GRIK2: variants seen among roughly 807,000 people sequenced by gnomAD.
GRIK2 encodes glutamate ionotropic receptor kainate type subunit 2, also known as glutamate receptor ionotropic, kainate 2.
In GRIK2, 32 loss-of-function variants were observed where a neutral mutation model predicts 100.3. That is an observed-to-expected ratio of 0.32 (90% CI 0.24 to 0.43). GRIK2 has a LOEUF of 0.43. GRIK2 is among the 20% of genes least tolerant of loss of function. GRIK2 has a pLI of 1.00. For missense variants in GRIK2, 843 were observed against 1,114.9 expected, an observed-to-expected ratio of 0.76 and a Z score of 3.47; for synonymous variants, 417 against 389.4, an observed-to-expected ratio of 1.07 and a Z score of -0.83.
At chr6:101,719,510 A>C (rs1774322847) in intron 7 of GRIK2, among the ~76,000 whole-genome samples, 1 of 152,032 alleles carries the variant, frequency 6.6e-6, no homozygotes, top group African/African-American at 2.4e-5. Flanking sequence ...GTATCTGTGA[A>C]CCATCAAATA....
intron 12 of GRIK2, among the ~76,000 whole-genome samples, chr6:101,894,874 A>G (rs185310524): frequency 6.4e-4 from 97 of 151,838 alleles, no homozygotes; most frequent in Non-Finnish European, 1.2e-3. Flanking sequence ...TGATGTACAG[A>G]GATGAATAAC....
intron 14 of GRIK2, among the ~76,000 whole-genome samples, chr6:101,952,845 G>T (rs1791686562): frequency 6.6e-6 from 1 of 152,034 alleles, no homozygotes; most frequent in Admixed American, 6.6e-5. Flanking sequence ...TTCTTGATCT[G>T]CCCATCTCGG....
intron 14 of GRIK2, among the ~76,000 whole-genome samples, chr6:101,982,597 A>C (rs1369764511): frequency 6.6e-6 from 1 of 151,738 alleles, no homozygotes; most frequent in Non-Finnish European, 1.5e-5. Context: ...TTGAATTTAA[A>C]AACAACAACA....
At chr6:102,029,729 T>C (rs1167033939) in intron 14 of GRIK2, among the ~76,000 whole-genome samples, 4 of 151,364 alleles carry the variant, frequency 2.6e-5, no homozygotes, top group Admixed American at 6.6e-5. Flanking sequence ...TTTATTCTAC[T>C]CAGGACCCAC....
intron 8 of GRIK2, among the ~76,000 whole-genome samples, chr6:101,800,372 A>G (rs909126697): frequency 5.3e-5 from 8 of 151,858 alleles, no homozygotes; most frequent in Non-Finnish European, 4.4e-5. Flanking sequence ...TGAAGATCAT[A>G]CATACATACA....
At chr6:101,615,073 T>C (rs995722216) in intron 2 of GRIK2, among the ~76,000 whole-genome samples, 3 of 151,774 alleles carry the variant, frequency 2.0e-5, no homozygotes, top group Non-Finnish European at 4.4e-5. Flanking sequence ...ACTTGACATT[T>C]GGTTTCCTAT....
intron 7 of GRIK2, among the ~76,000 whole-genome samples, chr6:101,704,520 G>C (rs2128354622): frequency 6.6e-6 from 1 of 151,832 alleles, no homozygotes. Flanking sequence ...ACTCTCCAAT[G>C]TGTACCATAC....
intron 7 of GRIK2, among the ~76,000 whole-genome samples, chr6:101,713,450 T>C (rs1200267665): frequency 6.6e-6 from 1 of 151,778 alleles, no homozygotes; most frequent in Non-Finnish European, 1.5e-5. Context: ...TAGTTCTGTT[T>C]CATTAAAAAA....
chr6:102,028,631 G>A (rs1033183532), intron 14 of GRIK2, among the ~76,000 whole-genome samples: 2 of 151,298 alleles, frequency 1.3e-5, no homozygotes, highest in Non-Finnish European at 3.0e-5. Flanking sequence ...TGCATTTCAT[G>A]CAATATCTCT....
At chr6:101,660,868 C>T (rs1236341780) in intron 4 of GRIK2, among the ~76,000 whole-genome samples, 1 of 152,102 alleles carries the variant, frequency 6.6e-6, no homozygotes, top group East Asian at 1.9e-4. Context: ...AGATGGGCAT[C>T]TGCCAGATGC....
At chr6:102,017,888 T>G (rs893520748) in intron 14 of GRIK2, among the ~76,000 whole-genome samples, 15 of 152,188 alleles carry the variant, frequency 9.9e-5, no homozygotes, top group African/African-American at 3.6e-4. Context: ...TTATTAGAAT[T>G]TCTATCCCTC....
At chr6:101,963,509 C>CTTTTTTTTTTTTTTTTTTTTT (rs770178884) in intron 14 of GRIK2, among the ~76,000 whole-genome samples, 119 of 106,082 alleles carry the variant, frequency 1.1e-3, no homozygotes, top group Non-Finnish European at 1.3e-3. Flanking sequence ...TTCTTTCTTT[C>CTTTTTTTTTTTTTTTTTTTTT]TTTTTTTTTT....
intron 2 of GRIK2, among the ~76,000 whole-genome samples, chr6:101,474,532 A>G (rs531151226): frequency 6.6e-6 from 1 of 151,992 alleles, no homozygotes; most frequent in African/African-American, 2.4e-5. Flanking sequence ...TCAGGCTTGA[A>G]TATTATACTT....
intron 2 of GRIK2, among the ~76,000 whole-genome samples, chr6:101,480,386 A>G (rs1001425211): frequency 2.6e-5 from 4 of 152,106 alleles, no homozygotes; most frequent in Non-Finnish European, 5.9e-5. Context: ...CCTAAACTTC[A>G]TAGCATTCCA....
chr6:101,539,735 A>T (rs1247229562), intron 2 of GRIK2, among the ~76,000 whole-genome samples: 1 of 151,696 alleles, frequency 6.6e-6, no homozygotes, highest in East Asian at 1.9e-4. Flanking sequence ...CACAATTCTC[A>T]AGGTCCTAAG....
At chr6:101,774,880 A>G (rs575955552) in intron 7 of GRIK2, among the ~76,000 whole-genome samples, 75 of 152,210 alleles carry the variant, frequency 4.9e-4, no homozygotes, top group Non-Finnish European at 9.0e-4. Flanking sequence ...AAGAAAAGTT[A>G]TAGAGAAAAT....
intron 2 of GRIK2, among the ~76,000 whole-genome samples, chr6:101,502,845 A>G (rs1368611812): frequency 2.0e-5 from 3 of 152,186 alleles, no homozygotes; most frequent in Non-Finnish European, 1.5e-5. Flanking sequence ...GGTTTTCATT[A>G]TCTCACTCAA....
chr6:101,617,279 C>T (rs1051179884), intron 2 of GRIK2, among the ~76,000 whole-genome samples: 20 of 151,752 alleles, frequency 1.3e-4, no homozygotes, highest in African/African-American at 4.6e-4. Context: ...CCCAAAAGCA[C>T]ATCATGCTCT....
Position 101,793,531 on chromosome 6 carries a change from G to T in GRIK2, c.952-6117G>T, listed in dbSNP as rs576281217. Among the ~76,000 whole-genome samples the T allele has an allele frequency of 1.2e-4, 18 of 152,220 alleles. 1 individual carries two copies. Among genetic ancestry groups the T allele is most frequent in the African/African-American group, 2.9e-4 (12 of 41,534 alleles). Reference sequence around the variant, plus strand: ...TGTCTGCAGAACTGCAGATTTTCTTGTACCGCGAATGCTGCTGTCTGATCG... The same window carrying T: ...TGTCTGCAGAACTGCAGATTTTCTTTTACCGCGAATGCTGCTGTCTGATCG... On this transcript the variant is annotated intron_variant, in intron 7 of 16. Coordinates refer to ENST00000369134, the MANE Select transcript of GRIK2 (RefSeq NM_021956.5).
Sources: gnomAD v4.1 joint callset for allele counts (sites outside exome capture counted in the v4.1 genomes callset) on GRCh38, gnomAD v4.1.1 for gene constraint, MANE v1.5 for transcripts, NCBI Gene and HGNC (gene_info 2026-07-23, HGNC 2026-07-21) for gene names.